The following MAK16 variants were observed in gnomAD, a reference collection of about 807,000 sequenced individuals.
MAK16 encodes the protein protein MAK16 homolog.
A neutral mutation model predicts 49.9 loss-of-function variants in MAK16; 12 were observed. The ratio of observed to expected loss-of-function variants is 0.24; its 90% CI spans 0.15 to 0.39. The LOEUF (loss-of-function observed/expected upper bound fraction) is 0.39, where lower values mean the gene tolerates loss of function less well. Among genes scored for constraint, MAK16 ranks in the 10% least tolerant of loss-of-function variants. The pLI is 1.00. For synonymous variants in MAK16, 115 were observed against 126.4 expected (o/e 0.91, Z 0.60); for missense variants, 292 against 363.7 (o/e 0.80, Z 1.60).
chr8:33,490,471 CT>C lies in MAK16; in HGVS notation c.447+133del, dbSNP rs1298475777. On this transcript the variant is annotated intron_variant, in intron 6 of 9. Coordinates refer to ENST00000360128, the MANE Select transcript of MAK16 (RefSeq NM_032509.4). ...TCACTAATAGATAACTATTAGTTGCCTAAGACATTTAATTTTTCATATTTTA... is the reference window on the plus strand; with the variant it reads ...TCACTAATAGATAACTATTAGTTGCCAAGACATTTAATTTTTCATATTTTA... 3 of 597,316 alleles carry C rather than the reference CT, an allele frequency of 5.0e-6. No individual in the cohort carries two copies. In the African/African-American group the frequency reaches 5.7e-5, roughly 11 times the overall value. 37.0% of individuals were successfully genotyped at this position (597,316 alleles called of 1,614,324 possible). A position where few individuals can be genotyped will look rare whatever the true frequency, so the allele number is the denominator to read the frequency against.
rs760733392 is a variant in MAK16 at position 33,488,366 on chromosome 8, T to G, written c.16-12T>G. On this transcript the variant is annotated splice_polypyrimidine_tract_variant and intron_variant, in intron 1 of 9. Coordinates refer to ENST00000360128, the MANE Select transcript of MAK16 (RefSeq NM_032509.4). Reference sequence around the variant, plus strand: ...CAGAGGATTTGAAATGGGCTTTTACTTTGTCTTGCAGGTTATCTGGGATAC... The same window carrying G: ...CAGAGGATTTGAAATGGGCTTTTACGTTGTCTTGCAGGTTATCTGGGATAC... 11 of 1,614,120 alleles carry G rather than the reference T, an allele frequency of 6.8e-6. No homozygotes were observed. The highest frequency in any genetic ancestry group is 9.3e-6 in the Non-Finnish European group (11 of 1,179,946).
intron 1 of MAK16, chr8:33,485,475 G>C: frequency 1.8e-6 from 1 of 567,766 alleles, no homozygotes; most frequent in Admixed American, 2.9e-5. Flanking sequence ...CCCGTCCTTC[G>C]TGCCTACCAA....
chr8:33,491,895 A>G (rs1008357342), intron 6 of MAK16, among the ~76,000 whole-genome samples: 2 of 151,724 alleles, frequency 1.3e-5, no homozygotes, highest in African/African-American at 4.8e-5. Context: ...CAGCCTCCCA[A>G]AGTGCTGGGA....
chr8:33,492,853 T>G (rs926894402), intron 6 of MAK16, among the ~76,000 whole-genome samples: 16 of 151,514 alleles, frequency 1.1e-4, no homozygotes, highest in East Asian at 3.9e-4. Flanking sequence ...TTGTTTTGTG[T>G]TTTTTTTGTT....
At chr8:33,492,852 GT>G (rs981013413) in intron 6 of MAK16, among the ~76,000 whole-genome samples, 3 of 149,182 alleles carry the variant, frequency 2.0e-5, no homozygotes, top group South Asian at 2.1e-4. Context: ...TTTGTTTTGT[GT>G]TTTTTTTGTT....
intron 6 of MAK16, among the ~76,000 whole-genome samples, chr8:33,491,327 C>G (rs1808774889): frequency 6.6e-6 from 1 of 152,136 alleles, no homozygotes; most frequent in South Asian, 2.1e-4. Flanking sequence ...TATGGTAGCT[C>G]TAGTTTTAGT....
chr8:33,501,172 TAAAA>T lies in MAK16; in HGVS notation c.*2547_*2550del, dbSNP rs1049151043. ...TTTTACCACAATAAACAAAAAACCC[TAAAA>T]AAACTTTAATGAAAGGTGGAAAATA... is the stretch of plus-strand genomic sequence containing the variant. On this transcript the variant is annotated 3_prime_UTR_variant, in exon 10 of 10. Transcript: ENST00000360128. 1 of 152,118 alleles carries T rather than the reference TAAAA, an allele frequency of 6.6e-6. No individual in the cohort carries two copies. Among genetic ancestry groups the T allele is most frequent in the East Asian group, 1.9e-4 (1 of 5,196 alleles). 9.4% of individuals were successfully genotyped at this position (152,118 alleles called of 1,614,324 possible).
chr8:33,488,450 G>A, intron 2 of MAK16, 23 bp downstream of exon 2: 6 of 1,614,052 alleles, frequency 3.7e-6, no homozygotes, highest in Non-Finnish European at 5.1e-6. Flanking sequence ...TTACAACTTG[G>A]TCAAAGATTC....
rs1808735130 is a variant in MAK16 at position 33,489,109 on chromosome 8, T to C, written c.362T>C (p.Ile121Thr). The stretch of plus-strand genomic sequence containing the variant: ...TTCACCAAGATCACCCAATACCTAA[T>C]TCGAATTAGAAAACTTACACTAAAG... ...QRFTKITQYLIRIRKLTLKRQ... is the reference protein window; with the variant it reads ...QRFTKITQYLTRIRKLTLKRQ... Residue 121 changes from isoleucine (I) to threonine (T), a missense_variant, in exon 5 of 10, where the codon ATT becomes ACT. Ile to Thr is a moderately conservative substitution (Grantham distance 89, BLOSUM62 -1). Coordinates refer to ENST00000360128, the MANE Select transcript of MAK16 (RefSeq NM_032509.4). This position sits in a 1 kb window ranked among gnomAD's most constrained non-coding sequence, Gnocchi z 4.2. 6.2e-7 allele frequency: 1 copy of C among 1,613,814 alleles called. No individual in the cohort carries two copies. The highest frequency in any genetic ancestry group is 1.1e-5 in the South Asian group (1 of 91,036).
chr8:33,496,886 C>A, intron 8 of MAK16, 145 bp downstream of exon 8: 1 of 629,292 alleles, frequency 1.6e-6, no homozygotes, highest in Non-Finnish European at 2.7e-6. Flanking sequence ...GCACTGGTTG[C>A]TCTGTTCTTC....
At chr8:33,485,422 T>A in intron 1 of MAK16, 1 of 674,238 alleles carries the variant, frequency 1.5e-6, no homozygotes, top group South Asian at 1.7e-5. Context: ...GGCCGGGTTG[T>A]GAGCACAGGA....
intron 6 of MAK16, among the ~76,000 whole-genome samples, chr8:33,495,054 G>C (rs942340217): frequency 4.6e-5 from 7 of 152,134 alleles, no homozygotes; most frequent in African/African-American, 1.4e-4. Flanking sequence ...GCACCATCCT[G>C]GGCTATTGTG....
intron 1 of MAK16, among the ~76,000 whole-genome samples, chr8:33,487,818 TG>T (rs532274619): frequency 7.9e-4 from 121 of 152,340 alleles, no homozygotes; most frequent in African/African-American, 2.8e-3. Context: ...AAAAAAAGTC[TG>T]GAAAAATATT....
At position 33,500,351 on chromosome 8, in the gene MAK16, G is replaced by A. The variant is rs201577994; in HGVS notation, c.*1722G>A. 4.4e-5 allele frequency: 71 copies of A among 1,614,072 alleles called. No individual in the cohort carries two copies. Among genetic ancestry groups the A allele is most frequent in the Admixed American group, 2.3e-4 (14 of 60,002 alleles). On this transcript the variant is annotated 3_prime_UTR_variant, in exon 10 of 10. Transcript: ENST00000360128. Reference sequence around the variant, plus strand: ...ACCTTTACCCGTCCTTGAGAACAGCGGTCCAGGAGAATCAGGCAGTCTGTG... The same window carrying A: ...ACCTTTACCCGTCCTTGAGAACAGCAGTCCAGGAGAATCAGGCAGTCTGTG...
rs1270435197 is a variant in MAK16 at position 33,489,283 on chromosome 8, C to T, written c.392+144C>T. On this transcript the variant is annotated intron_variant, in intron 5 of 9. Coordinates refer to ENST00000360128, the MANE Select transcript of MAK16 (RefSeq NM_032509.4). This position sits in a 1 kb window ranked among gnomAD's most constrained non-coding sequence, Gnocchi z 4.2. ...TACTAAAGAGAAACTTTAGCTTTGA[C>T]TAAAGGTGTGCCCTTTGATATGGCA... 11 of 679,342 alleles carry T rather than the reference C, an allele frequency of 1.6e-5. No homozygotes were observed. Among genetic ancestry groups the T allele is most frequent in the African/African-American group, 3.6e-5 (2 of 55,288 alleles). The allele number at this position is 679,342 out of a possible 1,614,324, so 42.1% of individuals were successfully genotyped here.
In MAK16 at chr8:33,488,785, G is replaced by A. The variant is rs370935181; in HGVS notation, c.227G>A (p.Arg76His). The change falls in exon 4 of 10, where the codon CGT becomes CAT. Residue 76 changes from arginine to histidine, a missense_variant. Transcript: ENST00000360128. ...ATAGAACGAGCGGCTTTTCCTCGGC[G>A]TCTCTGGGAACGGGTAAGCCTTACA... ...KVIERAAFPR[R>H]LWERVRLSKN... 39 of 1,614,164 alleles carry A rather than the reference G, an allele frequency of 2.4e-5. No homozygotes were observed. The highest frequency in any genetic ancestry group is 8.9e-5 in the East Asian group (4 of 44,880).
At chr8:33,486,576 G>GA (rs1450282449) in intron 1 of MAK16, among the ~76,000 whole-genome samples, 2 of 152,174 alleles carry the variant, frequency 1.3e-5, no homozygotes, top group African/African-American at 2.4e-5. Context: ...TTTTAAAAAC[G>GA]AAAGTGGCTT....
In MAK16 at chr8:33,496,710, A is replaced by G. The variant is rs897487404; in HGVS notation, c.608A>G (p.Glu203Gly). Reference protein sequence around the residue: ...QEAESDSSDTEEKDDDDDDEE... With the variant: ...QEAESDSSDTGEKDDDDDDEE... ...GCAGAGAGTGACTCTTCAGATACTG[A>G]GGAAAAAGATGATGATGATGATGAT... The change falls in exon 8 of 10, where the codon GAG becomes GGG. Residue 203 changes from glutamate (E) to glycine (G), a missense_variant. Transcript: ENST00000360128. 2 of 1,612,330 alleles carry G rather than the reference A, an allele frequency of 1.2e-6. No homozygotes were observed. The highest frequency in any genetic ancestry group is 2.7e-5 in the African/African-American group (2 of 74,626).
At chr8:33,490,408 C>T (rs2128823749) in intron 6 of MAK16, 69 bp downstream of exon 6, 1 of 1,264,242 alleles carries the variant, frequency 7.9e-7, no homozygotes, top group East Asian at 2.3e-5. Context: ...GATTCAGTCA[C>T]CATCATTATG....
Sources: allele counts gnomAD v4.1 joint callset (sites outside exome capture counted in the v4.1 genomes callset), GRCh38; gene constraint gnomAD v4.1.1; non-coding constraint Gnocchi (gnomAD v3.1); transcripts MANE v1.5; gene names NCBI Gene and HGNC (gene_info 2026-07-23, HGNC 2026-07-21).